The following ERC1 variants were observed in gnomAD, a reference collection of about 807,000 sequenced individuals.
ERC1 encodes RAB6 interacting protein 2.
A neutral mutation model predicts 132.0 loss-of-function variants in ERC1; 56 were observed. The ratio of observed to expected loss-of-function variants is 0.42; its 90% CI spans 0.34 to 0.53. The LOEUF is 0.53. ERC1 is among the 20% of genes least tolerant of loss of function. The pLI, the probability that ERC1 is intolerant of heterozygous loss-of-function variation, is 0.03. For synonymous variants in ERC1, 478 were observed against 476.1 expected, an observed-to-expected ratio of 1.00 and a Z score of -0.05; for missense variants, 1,202 against 1,349.9, an observed-to-expected ratio of 0.89 and a Z score of 1.72.
intron 14 of ERC1, among the ~76,000 whole-genome samples, chr12:1,282,232 C>T (rs181150080): frequency 2.5e-4 from 38 of 152,136 alleles, no homozygotes; most frequent in Admixed American, 2.0e-3. Flanking sequence ...AGGATGGAGT[C>T]GGACTACTCA....
intron 3 of ERC1, among the ~76,000 whole-genome samples, chr12:1,096,856 C>T (rs1218170204): frequency 2.0e-5 from 3 of 152,150 alleles, no homozygotes; most frequent in Non-Finnish European, 4.4e-5. Context: ...TGAACCAACC[C>T]AGCCAGAACT....
intron 2 of ERC1, among the ~76,000 whole-genome samples, chr12:1,055,492 C>A (rs1028148640): frequency 2.6e-5 from 4 of 152,044 alleles, no homozygotes; most frequent in Non-Finnish European, 5.9e-5. Flanking sequence ...TTAAGGATTT[C>A]TTTAAATGTG....
At chr12:1,063,917 T>C (rs1938561311) in intron 2 of ERC1, among the ~76,000 whole-genome samples, 1 of 152,244 alleles carries the variant, frequency 6.6e-6, no homozygotes, top group Non-Finnish European at 1.5e-5. Flanking sequence ...ATACATATTA[T>C]TCTTTCCCTT....
chr12:1,251,571 T>C (rs1035077635), intron 13 of ERC1, among the ~76,000 whole-genome samples: 3 of 152,152 alleles, frequency 2.0e-5, no homozygotes, highest in Admixed American at 6.5e-5. Flanking sequence ...AAATTCTCTT[T>C]TACTGCAGGT....
rs139733204 is a variant in ERC1 at position 1,354,830 on chromosome 12, C to T, written c.2781-17003C>T. ...GCTAGTTTTTGTGTTTTTGTAGAGA[C>T]GGGGTGTCACCAAGTTGGCCATGCT... On this transcript the variant is annotated intron_variant, in intron 15 of 18. Transcript: ENST00000360905. Among the ~76,000 whole-genome samples, 396 of 152,166 alleles carry T rather than the reference C, an allele frequency of 2.6e-3. 2 individuals are homozygous for T. Among genetic ancestry groups the T allele is most frequent in the African/African-American group, 9.2e-3 (383 of 41,510 alleles).
chr12:1,333,388 A>G (rs1338925742), intron 15 of ERC1, among the ~76,000 whole-genome samples: 18 of 136,142 alleles, frequency 1.3e-4, no homozygotes, highest in African/African-American at 4.5e-4. Flanking sequence ...GCTGGAGTGC[A>G]GTGGCGCGAC....
At chr12:1,198,724 G>C (rs1412334284) in intron 12 of ERC1, among the ~76,000 whole-genome samples, 2 of 152,204 alleles carry the variant, frequency 1.3e-5, no homozygotes, top group Non-Finnish European at 2.9e-5. Context: ...GAAACTTACA[G>C]TCATAGCAGA....
At chr12:1,324,210 A>G (rs1032049337) in intron 15 of ERC1, among the ~76,000 whole-genome samples, 2 of 152,194 alleles carry the variant, frequency 1.3e-5, no homozygotes, top group African/African-American at 2.4e-5. Flanking sequence ...TTTGCTCTGG[A>G]GAAGGCAAAA....
At chr12:991,428 C>T (rs908108976) in intron 1 of ERC1, 106 bp downstream of exon 1, 1 of 153,220 alleles carries the variant, frequency 6.5e-6, no homozygotes, top group East Asian at 1.9e-4. Context: ...CAGCTTCTTG[C>T]TCACGGCCCG....
At chr12:1,103,553 C>T (rs1259309564) in intron 3 of ERC1, among the ~76,000 whole-genome samples, 3 of 152,082 alleles carry the variant, frequency 2.0e-5, no homozygotes, top group Non-Finnish European at 4.4e-5. Flanking sequence ...CAGGTGGTGG[C>T]CGTGGAGATG....
intron 2 of ERC1, among the ~76,000 whole-genome samples, chr12:1,067,926 C>CTTTTTTTTTTTTTTTTTTTTCTTTTTG (rs71441641): frequency 8.3e-6 from 1 of 120,980 alleles, no homozygotes; most frequent in Admixed American, 8.8e-5. Context: ...TTAGCCACTG[C>CTTTTTTTTTTTTTTTTTTTTCTTTTTG]TTTTTTTTTT....
chr12:1,015,469 CTT>C (rs1488828526), intron 1 of ERC1, among the ~76,000 whole-genome samples: 1 of 152,098 alleles, frequency 6.6e-6, no homozygotes, highest in Non-Finnish European at 1.5e-5. Context: ...CAACTAATCT[CTT>C]TGGAAATTTA....
At chr12:1,253,321 A>G (rs1311713333) in intron 13 of ERC1, among the ~76,000 whole-genome samples, 1 of 152,148 alleles carries the variant, frequency 6.6e-6, no homozygotes, top group East Asian at 1.9e-4. Flanking sequence ...GGAACAACAA[A>G]TTAAATTTTA....
intron 18 of ERC1, among the ~76,000 whole-genome samples, chr12:1,485,462 T>C (rs1027480997): frequency 1.6e-4 from 25 of 151,696 alleles, no homozygotes; most frequent in African/African-American, 5.6e-4. Flanking sequence ...CTTGGCCTCC[T>C]AAAGTGCTGG....
At chr12:1,207,625 A>G (rs532668584) in intron 12 of ERC1, among the ~76,000 whole-genome samples, 2 of 152,122 alleles carry the variant, frequency 1.3e-5, no homozygotes, top group South Asian at 2.1e-4. Flanking sequence ...CATTGGTGGG[A>G]AAAAAAATAC....
intron 8 of ERC1, among the ~76,000 whole-genome samples, chr12:1,154,252 T>C (rs1951124056): frequency 6.7e-6 from 1 of 150,356 alleles, no homozygotes; most frequent in Non-Finnish European, 1.5e-5. Flanking sequence ...TATATGTATA[T>C]GTATATGTGT....
intron 2 of ERC1, among the ~76,000 whole-genome samples, chr12:1,078,959 C>T (rs1305758866): frequency 6.8e-6 from 1 of 146,328 alleles, no homozygotes; most frequent in Non-Finnish European, 1.5e-5. Flanking sequence ...TGTAATATGA[C>T]AAAAGTCAAT....
intron 2 of ERC1, among the ~76,000 whole-genome samples, chr12:1,076,713 T>G (rs1324179650): frequency 6.6e-6 from 1 of 152,250 alleles, no homozygotes; most frequent in Admixed American, 6.5e-5. Context: ...GGCTGCATTA[T>G]TTTTTTAAGG....
At position 1,123,057 on chromosome 12, in the gene ERC1, G is replaced by A. The variant is rs76640822; in HGVS notation, c.1569+7024G>A. 3.1e-3 allele frequency among the ~76,000 whole-genome samples: 475 copies of A among 152,284 alleles called. 5 individuals are homozygous for A. The highest frequency in any genetic ancestry group is 0.011 in the African/African-American group (454 of 41,548). ...CAGCTGGTGAGATGGCACTGCTTAC[G>A]GTGGTGATGGGGTAATGTCTTGTTT... On this transcript the variant is annotated intron_variant, in intron 7 of 18. Transcript: ENST00000360905.
Sources: gnomAD v4.1 joint callset for allele counts (sites outside exome capture counted in the v4.1 genomes callset) on GRCh38, gnomAD v4.1.1 for gene constraint, MANE v1.5 for transcripts, NCBI Gene and HGNC (gene_info 2026-07-23, HGNC 2026-07-21) for gene names.